The following ZNF467 variants were observed in gnomAD, a reference collection of about 807,000 sequenced individuals.
ZNF467 encodes the protein zinc finger protein EZI.
In ZNF467, 51 loss-of-function variants were observed where a neutral mutation model predicts 47.8. The observed-to-expected ratio is 1.07, with a 90% CI of 0.85 to 1.35. The LOEUF (loss-of-function observed/expected upper bound fraction) is 1.35. Ranked by LOEUF, ZNF467 falls within the 40% of genes most tolerant of loss-of-function variation. The pLI, the probability that ZNF467 is intolerant of heterozygous loss-of-function variation, is 0.00. For synonymous variants in ZNF467, 416 were observed against 372.9 expected, an observed-to-expected ratio of 1.12 and a Z score of -1.33; for missense variants, 992 against 858.1, an observed-to-expected ratio of 1.16 and a Z score of -1.95.
In ZNF467 at chr7:149,765,591, T is replaced by G; in HGVS notation, c.911A>C (p.Gln304Pro). Residue 304 changes from glutamine (Q) to proline (P), a missense_variant, in exon 5 of 5, where the codon CAG becomes CCG. Transcript: ENST00000302017. ...HTGERPYQCA[Q>P]CARSFTHKQH... Reference sequence around the variant, plus strand: ...CTTGTGCGTGAAGCTGCGTGCGCACTGTGCGCACTGGTAGGGCCTCTCGCC... The same window carrying G: ...CTTGTGCGTGAAGCTGCGTGCGCACGGTGCGCACTGGTAGGGCCTCTCGCC... 1 of 1,599,544 alleles carries G rather than the reference T, an allele frequency of 6.3e-7. No individual in the cohort carries two copies. The highest frequency in any genetic ancestry group is 1.3e-5 in the African/African-American group (1 of 74,866).
At chr7:149,771,117 G>T in intron 1 of ZNF467, 43 bp from the exon 2 acceptor site, 1 of 1,574,320 alleles carries the variant, frequency 6.4e-7, no homozygotes, top group South Asian at 1.1e-5. Context: ...TCCCACGCCA[G>T]CTTCCACCTG....
chr7:149,770,404 T>G, intron 3 of ZNF467, 36 bp downstream of exon 3: 1 of 1,503,406 alleles, frequency 6.7e-7, no homozygotes, highest in South Asian at 1.2e-5. Context: ...GCAGGGGGAC[T>G]CCTCCCTGAG....
rs202005947 is a variant in ZNF467 at position 149,766,010 on chromosome 7, C to T, written c.492G>A (p.Glu164=). The change falls in exon 5 of 5, where the codon GAG becomes GAA. Residue 164 remains glutamate (E), a synonymous_variant. Coordinates refer to ENST00000302017, the MANE Select transcript of ZNF467 (RefSeq NM_207336.3). ...PMPEKPYGCG[E]CERRFRDQLT... ...GCTGGTCCCGGAAGCGCCGCTCACA[C>T]TCCCCGCAGCCGTAGGGCTTCTCCG... is the stretch of plus-strand genomic sequence containing the variant. The T allele has an allele frequency of 1.3e-6, 2 of 1,569,910 alleles. No individual in the cohort carries two copies. The highest frequency in any genetic ancestry group is 1.7e-6 in the Non-Finnish European group (2 of 1,157,724).
chr7:149,770,471 A>G lies in ZNF467; in HGVS notation c.120T>C (p.Ser40=), dbSNP rs1472590362. The change falls in exon 3 of 5, where the codon TCT becomes TCC. Residue 40 remains serine, a synonymous_variant. Coordinates refer to ENST00000302017, the MANE Select transcript of ZNF467 (RefSeq NM_207336.3). ...ACACCCCCAGTGCTCTCTCTTCCCT[A>G]GAAGAGGACATCTGCTCCTGGGCAT... The part of the protein sequence containing the change: ...SHNAQEQMSS[S]REERALGVCS... The G allele has an allele frequency of 9.3e-6, 15 of 1,613,340 alleles. No homozygotes were observed. The highest frequency in any genetic ancestry group is 1.3e-5 in the Non-Finnish European group (15 of 1,179,760).
upstream of ZNF467, among the ~76,000 whole-genome samples, chr7:149,773,725 C>G (rs931697354): frequency 1.3e-5 from 2 of 150,998 alleles, no homozygotes; most frequent in African/African-American, 4.9e-5. Flanking sequence ...GCTGCCGTCT[C>G]TAAGTCGCCG....
upstream of ZNF467, among the ~76,000 whole-genome samples, chr7:149,775,610 C>T (rs58769482): frequency 5.7e-3 from 860 of 152,210 alleles, 11 homozygotes; most frequent in African/African-American, 0.02. Flanking sequence ...TGGGAAGTCC[C>T]TGAAATTTTT....
At position 149,764,995 on chromosome 7, in the gene ZNF467, C is replaced by T; in HGVS notation, c.1507G>A (p.Gly503Ser). 1 of 1,590,164 alleles carries T rather than the reference C, an allele frequency of 6.3e-7. No homozygotes were observed. Residue 503 changes from glycine (G) to serine (S), a missense_variant, in exon 5 of 5, where the codon GGC becomes AGC. Coordinates refer to ENST00000302017, the MANE Select transcript of ZNF467 (RefSeq NM_207336.3). ...GRRFSRKSHL[G>S]RHQAVHTGSR... ...CCAGTGTGCACCGCCTGGTGGCGGCCCAGGTGCGACTTGCGGCTGAAGCGG... is the reference window on the plus strand; with the variant it reads ...CCAGTGTGCACCGCCTGGTGGCGGCTCAGGTGCGACTTGCGGCTGAAGCGG...
chr7:149,767,474 C>T (rs1301628416), intron 4 of ZNF467, among the ~76,000 whole-genome samples: 2 of 152,246 alleles, frequency 1.3e-5, no homozygotes, highest in Admixed American at 6.5e-5. Context: ...CCCCTGTCTA[C>T]TTATCACACT....
In ZNF467 at chr7:149,770,483, C is replaced by T. The variant is rs765102486; in HGVS notation, c.108G>A (p.Gln36=). The part of the protein sequence containing the change: ...PREGSHNAQE[Q]MSSSREERAL... ...CTCTCTCTTCCCTAGAAGAGGACAT[C>T]TGCTCCTGGGCATTATGGGATCCTT... Residue 36 remains glutamine, a synonymous_variant, in exon 3 of 5, where the codon CAG becomes CAA. Coordinates refer to ENST00000302017, the MANE Select transcript of ZNF467 (RefSeq NM_207336.3). 6.2e-7 allele frequency: 1 copy of T among 1,613,858 alleles called. No homozygotes were observed. The highest frequency in any genetic ancestry group is 1.7e-5 in the Admixed American group (1 of 60,000).
chr7:149,771,209 T>A (rs1799395623), intron 1 of ZNF467, 135 bp from the exon 2 acceptor site: 1 of 679,890 alleles, frequency 1.5e-6, no homozygotes, highest in East Asian at 2.8e-5. Context: ...CTGGGGGAAA[T>A]TTGGGAAACT....
intron 1 of ZNF467, among the ~76,000 whole-genome samples, chr7:149,771,493 C>G (rs992001735): frequency 6.6e-6 from 1 of 152,144 alleles, no homozygotes; most frequent in Non-Finnish European, 1.5e-5. Flanking sequence ...TGTCACTGCC[C>G]GAGCTGGTGA....
Position 149,764,626 on chromosome 7 carries a change from G to T in ZNF467, c.*88C>A. On this transcript the variant is annotated 3_prime_UTR_variant, in exon 5 of 5. Transcript: ENST00000302017. The stretch of plus-strand genomic sequence containing the variant: ...GCGGCGGCCAAACCTTCGGGCAGCA[G>T]CCCAGGTCGCCTTGCTCACCCCAGG... 6.4e-7 allele frequency: 1 copy of T among 1,550,418 alleles called. No individual in the cohort carries two copies.
Position 149,764,305 on chromosome 7 carries a change from A to AGCCGTAC in ZNF467, c.*408_*409insGTACGGC. ...TGGTCTGTGTGTGGATGGAGGTGGG[A>AGCCGTAC]CAGTGGCTAAGGAGAGTCAGGTGTT... On this transcript the variant is annotated 3_prime_UTR_variant, in exon 5 of 5. Transcript: ENST00000302017. 1 of 420,672 alleles carries AGCCGTAC rather than the reference A, an allele frequency of 2.4e-6. No individual in the cohort carries two copies. The highest frequency in any genetic ancestry group is 6.6e-5 in the South Asian group (1 of 15,076). The allele number at this position is 420,672 out of a possible 1,614,324, so 26.1% of individuals were successfully genotyped here. A position where few individuals can be genotyped will look rare whatever the true frequency, so the allele number is the denominator to read the frequency against.
chr7:149,764,989 G>A lies in ZNF467; in HGVS notation c.1513C>T (p.His505Tyr). The change falls in exon 5 of 5, where the codon CAC (histidine) becomes TAC (tyrosine). Residue 505 changes from histidine (H) to tyrosine (Y), a missense_variant. His to Tyr is a moderately conservative substitution (Grantham distance 83). Transcript: ENST00000302017. ...CGGCTGCCAGTGTGCACCGCCTGGTGGCGGCCCAGGTGCGACTTGCGGCTG... is the reference window on the plus strand; with the variant it reads ...CGGCTGCCAGTGTGCACCGCCTGGTAGCGGCCCAGGTGCGACTTGCGGCTG... ...RFSRKSHLGR[H>Y]QAVHTGSRPH... 1 of 1,591,440 alleles carries A rather than the reference G, an allele frequency of 6.3e-7. No individual in the cohort carries two copies. The highest frequency in any genetic ancestry group is 8.5e-7 in the Non-Finnish European group (1 of 1,174,678).
chr7:149,766,851 C>G (rs1427171141), intron 4 of ZNF467, among the ~76,000 whole-genome samples: 2 of 152,226 alleles, frequency 1.3e-5, no homozygotes, highest in African/African-American at 2.4e-5. Context: ...AACCAGGGTA[C>G]CCACGTATTC....
rs554157424 is a variant in ZNF467 at position 149,764,786 on chromosome 7, G to C, written c.1716C>G (p.Ala572=). ...QLIHGEAAHA[A]PDAALAAPAW... is the part of the protein sequence containing the mutation. ...CTGGGGCCGCAAGGGCGGCGTCCGG[G>C]GCCGCGTGGGCGGCTTCGCCGTGAA... Residue 572 remains alanine (A), a synonymous_variant, in exon 5 of 5, where the codon GCC becomes GCG. Transcript: ENST00000302017. The C allele has an allele frequency of 6.6e-7, 1 of 1,523,960 alleles. No individual in the cohort carries two copies. The highest frequency in any genetic ancestry group is 8.8e-7 in the Non-Finnish European group (1 of 1,136,748). 94.4% of individuals were successfully genotyped at this position (1,523,960 alleles called of 1,614,324 possible).
In ZNF467 at chr7:149,765,936, G is replaced by A. The variant is rs1799196513; in HGVS notation, c.566C>T (p.Ala189Val). Reference protein sequence around the residue: ...QRLHRGEGPCACPDCGRSFTQ... With the variant: ...QRLHRGEGPCVCPDCGRSFTQ... The stretch of plus-strand genomic sequence containing the variant: ...GAAGCTGCGGCCGCAGTCCGGGCAG[G>A]CGCAGGGGCCCTCGCCCCGGTGCAG... Residue 189 changes from alanine (A) to valine (V), a missense_variant, in exon 5 of 5, where the codon GCC becomes GTC. Transcript: ENST00000302017. 1 of 1,554,434 alleles carries A rather than the reference G, an allele frequency of 6.4e-7. No individual in the cohort carries two copies. Among genetic ancestry groups the A allele is most frequent in the East Asian group, 2.4e-5 (1 of 41,250 alleles).
At position 149,764,747 on chromosome 7, in the gene ZNF467, G is replaced by C; in HGVS notation, c.1755C>G (p.Pro585=). The C allele has an allele frequency of 1.9e-6, 3 of 1,548,198 alleles. No homozygotes were observed. Among genetic ancestry groups the C allele is most frequent in the Non-Finnish European group, 2.6e-6 (3 of 1,144,276 alleles). ...AALAAPAWSA[P]PEVAPPPLFF is the part of the protein sequence containing the mutation. The stretch of plus-strand genomic sequence containing the variant: ...AGAGCGGGGGCGGCGCCACCTCGGG[G>C]GGAGCGGACCAGGCTGGGGCCGCAA... Residue 585 remains proline, a synonymous_variant, in exon 5 of 5, where the codon CCC becomes CCG. Transcript: ENST00000302017.
upstream of ZNF467, chr7:149,776,399 G>A (rs73727603): frequency 2.9e-4 from 400 of 1,362,442 alleles, 1 homozygote; most frequent in African/African-American, 5.3e-3. Context: ...GTGGCACCCC[G>A]TCAGGAGGAC....
Sources: gnomAD v4.1 joint callset for allele counts (sites outside exome capture counted in the v4.1 genomes callset) on GRCh38, gnomAD v4.1.1 for gene constraint, MANE v1.5 for transcripts, NCBI Gene and HGNC (gene_info 2026-07-23, HGNC 2026-07-21) for gene names.